GRIP1: variants seen among roughly 807,000 people sequenced by gnomAD.
The protein encoded by GRIP1 is glutamate receptor-interacting protein 1.
A neutral mutation model predicts 129.9 loss-of-function variants in GRIP1; 45 were observed. The observed-to-expected ratio is 0.35, with a 90% CI of 0.27 to 0.44. The LOEUF is 0.44. GRIP1 is among the 20% of genes least tolerant of loss of function. GRIP1 has a pLI of 1.00. For synonymous variants in GRIP1, 530 were observed against 520.8 expected (o/e 1.02, Z -0.24); for missense variants, 1,196 against 1,396.8 (o/e 0.86, Z 2.29).
chr12:66,483,864 CTT>C (rs35891506), intron 7 of GRIP1, among the ~76,000 whole-genome samples: 71 of 146,000 alleles, frequency 4.9e-4, no homozygotes, highest in Middle Eastern at 3.7e-3. Context: ...ATCCTAACTT[CTT>C]TTTTTTTTTT....
intron 11 of GRIP1, among the ~76,000 whole-genome samples, chr12:66,446,094 G>GCCCCCCCCCCCC (rs1555185775): frequency 1.5e-4 from 21 of 140,392 alleles, no homozygotes; most frequent in African/African-American, 2.3e-4. Flanking sequence ...CATTCCTCCT[G>GCCCCCCCCCCCC]CCGCCCCCCA....
At chr12:66,409,266 T>C (rs2057303376) in intron 15 of GRIP1, among the ~76,000 whole-genome samples, 1 of 152,196 alleles carries the variant, frequency 6.6e-6, no homozygotes. Flanking sequence ...ATAGTCTCAG[T>C]GGTGGTGACC....
rs1565655525 is a variant in GRIP1, at chr12:66,351,555, G to GTTTTT, written c.3159+1861_3159+1862insAAAAA. On this transcript the variant is annotated intron_variant, in intron 24 of 24. Transcript: ENST00000359742. ...AGTATATGCAGGGAAACAGGAAGGT[G>GTTTTT]GTTTTTTTTTTTTTTTTTTTGGAAA... Among the ~76,000 whole-genome samples the GTTTTT allele has an allele frequency of 9.2e-3, 1,319 of 143,146 alleles. 35 individuals are homozygous for GTTTTT. Among genetic ancestry groups the GTTTTT allele is most frequent in the African/African-American group, 0.032 (1,200 of 37,154 alleles). 93.9% of individuals were successfully genotyped at this position (143,146 alleles called of 152,430 possible). A position where few individuals can be genotyped will look rare whatever the true frequency, so the allele number is the denominator to read the frequency against.
At chr12:66,909,568 C>T (rs1036470806) in intron 1 of GRIP1, among the ~76,000 whole-genome samples, 4 of 152,194 alleles carry the variant, frequency 2.6e-5, no homozygotes, top group Non-Finnish European at 5.9e-5. Flanking sequence ...TCACACTCTA[C>T]TCTTTTACTC....
chr12:66,500,545 T>A (rs1287010044), intron 7 of GRIP1, among the ~76,000 whole-genome samples: 1 of 152,162 alleles, frequency 6.6e-6, no homozygotes, highest in East Asian at 1.9e-4. Context: ...GATGTCAATG[T>A]TATGAGAGAG....
Position 66,705,236 on chromosome 12 carries a change from A to G in GRIP1, c.-419-74900T>C, listed in dbSNP as rs111418611. ...ATCCTTTCATACAGTTCACCCACTG[A>G]ACTAAAAGTCAATACTCTAAACTGT... On this transcript the variant is annotated intron_variant, in intron 1 of 4. Transcript: ENST00000538373. 7.1e-3 allele frequency among the ~76,000 whole-genome samples: 1,082 copies of G among 152,266 alleles called. 15 individuals are homozygous for G. The highest frequency in any genetic ancestry group is 0.024 in the African/African-American group (1,004 of 41,564).
At chr12:66,982,331 G>A (rs533843758) in intron 1 of GRIP1, among the ~76,000 whole-genome samples, 1 of 152,214 alleles carries the variant, frequency 6.6e-6, no homozygotes, top group East Asian at 1.9e-4. Context: ...GCAACTTCTA[G>A]GATGGCTCTT....
intron 1 of GRIP1, among the ~76,000 whole-genome samples, chr12:66,888,461 G>A (rs974942779): frequency 1.3e-5 from 2 of 152,210 alleles, no homozygotes; most frequent in Non-Finnish European, 2.9e-5. Flanking sequence ...CTGGGTTCAA[G>A]CAATTCTTGT....
chr12:66,427,719 C>G (rs1048560869), intron 14 of GRIP1, among the ~76,000 whole-genome samples: 1 of 152,118 alleles, frequency 6.6e-6, no homozygotes, highest in African/African-American at 2.4e-5. Flanking sequence ...TGAACTCTAC[C>G]ATTTTTTGTT....
At chr12:66,988,388 C>CT (rs1223743208) in intron 1 of GRIP1, among the ~76,000 whole-genome samples, 5 of 150,730 alleles carry the variant, frequency 3.3e-5, no homozygotes, top group African/African-American at 9.8e-5. Flanking sequence ...TTTTCTTTTT[C>CT]TTTTTTTTTA....
intron 1 of GRIP1, among the ~76,000 whole-genome samples, chr12:66,744,993 C>T (rs2036901664): frequency 6.6e-6 from 1 of 152,136 alleles, no homozygotes; most frequent in Admixed American, 6.6e-5. Context: ...AGGAGTATCG[C>T]TTTGCAGGGG....
At chr12:66,496,832 C>T (rs929049792) in intron 7 of GRIP1, among the ~76,000 whole-genome samples, 1 of 147,356 alleles carries the variant, frequency 6.8e-6, no homozygotes, top group Non-Finnish European at 1.5e-5. Flanking sequence ...GAAAGAAGGG[C>T]AATAAGGGGA....
chr12:66,691,173 A>G (rs150884738), intron 1 of GRIP1, among the ~76,000 whole-genome samples: 9 of 152,282 alleles, frequency 5.9e-5, no homozygotes, highest in Non-Finnish European at 8.8e-5. Context: ...AACCACTACT[A>G]AATTCAATGA....
intron 17 of GRIP1, among the ~76,000 whole-genome samples, chr12:66,393,169 ATTT>A (rs60982107): frequency 1.3e-5 from 1 of 78,844 alleles, no homozygotes; most frequent in African/African-American, 5.4e-5. Flanking sequence ...CTTTCTACAG[ATTT>A]TTTTTTTTTT....
chr12:66,890,682 A>C (rs2040643827), intron 1 of GRIP1, among the ~76,000 whole-genome samples: 1 of 152,252 alleles, frequency 6.6e-6, no homozygotes, highest in Non-Finnish European at 1.5e-5. Flanking sequence ...AAATTTTAAT[A>C]AATGTAAATA....
At chr12:66,825,380 C>T (rs964012105) in intron 1 of GRIP1, among the ~76,000 whole-genome samples, 1 of 152,164 alleles carries the variant, frequency 6.6e-6, no homozygotes, top group African/African-American at 2.4e-5. Flanking sequence ...CAATATCACG[C>T]ATGATCATAT....
At chr12:66,568,566 T>C (rs1356367991) in intron 2 of GRIP1, 2 of 186,854 alleles carry the variant, frequency 1.1e-5, no homozygotes, top group African/African-American at 4.8e-5. Context: ...GATTCTGTGC[T>C]ATCTGGGCAC....
At chr12:66,603,141 AT>A (rs1207589872) in intron 1 of GRIP1, among the ~76,000 whole-genome samples, 6 of 151,424 alleles carry the variant, frequency 4.0e-5, no homozygotes, top group African/African-American at 1.5e-4. Flanking sequence ...GATTATAGGC[AT>A]GAACCACCAC....
Position 66,348,664 on chromosome 12 carries a change from T to TCAC in GRIP1, c.*352_*354dup, listed in dbSNP as rs1267976550. On this transcript the variant is annotated 3_prime_UTR_variant, in exon 25 of 25. Transcript: ENST00000359742. ...ATTTCAAAGTGAATTAAGGAAATCATCACAGAGAATATTTTCAAACAGATG... is the reference window on the plus strand; with the variant it reads ...ATTTCAAAGTGAATTAAGGAAATCATCACCACAGAGAATATTTTCAAACAGATG... The TCAC allele has an allele frequency of 3.8e-6, 1 of 264,874 alleles. No individual in the cohort carries two copies. The highest frequency in any genetic ancestry group is 8.7e-5 in the East Asian group (1 of 11,488). The allele number at this position is 264,874 out of a possible 1,614,324, so 16.4% of individuals were successfully genotyped here. A position where few individuals can be genotyped will look rare whatever the true frequency, so the allele number is the denominator to read the frequency against.
Sources: gnomAD v4.1 joint callset for allele counts (sites outside exome capture counted in the v4.1 genomes callset) on GRCh38, gnomAD v4.1.1 for gene constraint, MANE v1.5 for transcripts, NCBI Gene and HGNC (gene_info 2026-07-23, HGNC 2026-07-21) for gene names.